KCNJ4: variants seen among roughly 807,000 people sequenced by gnomAD.
KCNJ4 encodes potassium inwardly rectifying channel subfamily J member 4.
Under a neutral mutation model 25.6 loss-of-function variants are expected in KCNJ4, and 3 were observed. That is an observed-to-expected ratio of 0.12 (90% CI 0.05 to 0.30). KCNJ4 has a LOEUF of 0.30. Among genes scored for constraint, KCNJ4 ranks in the 10% least tolerant of loss-of-function variants. The pLI, the probability that KCNJ4 is intolerant of heterozygous loss-of-function variation, is 1.00. For missense variants in KCNJ4, 286 were observed against 666.8 expected, an observed-to-expected ratio of 0.43 and a Z score of 6.29; for synonymous variants, 257 against 283.9, an observed-to-expected ratio of 0.91 and a Z score of 0.95.
intron 1 of KCNJ4, among the ~76,000 whole-genome samples, chr22:38,451,643 G>A (rs1349650211): frequency 6.6e-6 from 1 of 152,164 alleles, no homozygotes; most frequent in African/African-American, 2.4e-5. Context: ...TCTGCTTCCA[G>A]ATAGAGCTGG....
intron 1 of KCNJ4, among the ~76,000 whole-genome samples, chr22:38,442,808 T>C (rs2089346158): frequency 6.6e-6 from 1 of 152,256 alleles, no homozygotes; most frequent in African/African-American, 2.4e-5. Context: ...AGTGGCACTA[T>C]CACAGCTCAC....
At chr22:38,428,342 T>A (rs530223621) in intron 1 of KCNJ4, among the ~76,000 whole-genome samples, 171 bp from the exon 2 acceptor site, 20 of 152,154 alleles carry the variant, frequency 1.3e-4, no homozygotes, top group Non-Finnish European at 2.5e-4. Flanking sequence ...GATGACAGGG[T>A]CTGAGCCAGT....
At chr22:38,454,757 A>C (rs2089430076) in intron 1 of KCNJ4, among the ~76,000 whole-genome samples, 1 of 151,994 alleles carries the variant, frequency 6.6e-6, no homozygotes, top group African/African-American at 2.4e-5. Flanking sequence ...GCCACAACCC[A>C]GACCGCGACG....
chr22:38,446,901 GCTGAGATCGCGCCA>G (rs1361840809), intron 1 of KCNJ4, among the ~76,000 whole-genome samples: 1 of 150,798 alleles, frequency 6.6e-6, no homozygotes, highest in Non-Finnish European at 1.5e-5. Context: ...GTTGCAGTAA[GCTGAGATCGCGCCA>G]CTGCTCTCCA....
In KCNJ4 at chr22:38,442,618, G is replaced by A. The variant is rs2089344141; in HGVS notation, c.-40+12362C>T. Among the ~76,000 whole-genome samples the A allele has an allele frequency of 4.0e-5, 6 of 151,522 alleles. No homozygotes were observed. The South Asian group carries it at 1.3e-3, about 32-fold the overall frequency. On this transcript the variant is annotated intron_variant, in intron 1 of 1. Coordinates refer to ENST00000303592, the MANE Select transcript of KCNJ4 (RefSeq NM_152868.3). Reference sequence around the variant, plus strand: ...TCACCTATGGGCTGCGTGGCTTTGGGAAAATTTCTTAACCTCTCTGAGTCA... The same window carrying A: ...TCACCTATGGGCTGCGTGGCTTTGGAAAAATTTCTTAACCTCTCTGAGTCA...
chr22:38,440,660 G>A (rs931861570), intron 1 of KCNJ4, among the ~76,000 whole-genome samples: 1 of 152,212 alleles, frequency 6.6e-6, no homozygotes, highest in African/African-American at 2.4e-5. Flanking sequence ...AGTGCCAGTC[G>A]CTGTGATGAG....
chr22:38,430,637 G>A (rs1415957261), intron 1 of KCNJ4, among the ~76,000 whole-genome samples: 3 of 152,156 alleles, frequency 2.0e-5, no homozygotes, highest in Non-Finnish European at 4.4e-5. Context: ...GCCCCCTCCC[G>A]CAGCATCCCA....
chr22:38,432,021 T>C (rs1305335009), intron 1 of KCNJ4, among the ~76,000 whole-genome samples: 1 of 151,710 alleles, frequency 6.6e-6, no homozygotes, highest in Admixed American at 6.6e-5. Flanking sequence ...TTTTGGAGGC[T>C]GAAGCGGGCG....
At chr22:38,431,373 A>G (rs1437558266) in intron 1 of KCNJ4, among the ~76,000 whole-genome samples, 1 of 152,128 alleles carries the variant, frequency 6.6e-6, no homozygotes, top group African/African-American at 2.4e-5. Context: ...CCCAGGGTCA[A>G]TTCTGAGCTT....
rs116161194 is a variant in KCNJ4, at chr22:38,445,169, G to A, written c.-40+9811C>T. ...CAGAGCAGGGCTGGGCCTGGGCTGAGCGGAAAGCAGGGAATTTGGCCCGGC... is the reference window on the plus strand; with the variant it reads ...CAGAGCAGGGCTGGGCCTGGGCTGAACGGAAAGCAGGGAATTTGGCCCGGC... On this transcript the variant is annotated intron_variant, in intron 1 of 1. Coordinates refer to ENST00000303592, the MANE Select transcript of KCNJ4 (RefSeq NM_152868.3). Among the ~76,000 whole-genome samples the A allele has an allele frequency of 2.1e-3, 315 of 152,216 alleles. 2 individuals are homozygous for A. The highest frequency in any genetic ancestry group is 7.0e-3 in the African/African-American group (290 of 41,552).
chr22:38,453,201 G>A (rs2089420265), intron 1 of KCNJ4, among the ~76,000 whole-genome samples: 2 of 152,016 alleles, frequency 1.3e-5, no homozygotes, highest in Non-Finnish European at 2.9e-5. Flanking sequence ...CCAGGCTGGC[G>A]CACGCGGCTT....
intron 1 of KCNJ4, among the ~76,000 whole-genome samples, chr22:38,452,548 G>A (rs1338990618): frequency 6.6e-6 from 1 of 152,166 alleles, no homozygotes; most frequent in African/African-American, 2.4e-5. Context: ...TGCTCTCCTC[G>A]TGCAGGGGGA....
intron 1 of KCNJ4, among the ~76,000 whole-genome samples, chr22:38,431,205 C>A (rs1017346528): frequency 6.6e-6 from 1 of 152,190 alleles, no homozygotes; most frequent in Admixed American, 6.5e-5. Context: ...GGGATTGCCT[C>A]CTGACATGGC....
At chr22:38,436,312 C>G (rs749884871) in intron 1 of KCNJ4, among the ~76,000 whole-genome samples, 2 of 152,186 alleles carry the variant, frequency 1.3e-5, no homozygotes, top group Non-Finnish European at 2.9e-5. Context: ...GATGCAGCAT[C>G]CCAGAGCCTG....
At position 38,427,910 on chromosome 22, in the gene KCNJ4, G is replaced by A; in HGVS notation, c.223C>T (p.Leu75Phe). 1.2e-6 allele frequency: 2 copies of A among 1,612,810 alleles called. No individual in the cohort carries two copies. The highest frequency in any genetic ancestry group is 1.7e-6 in the Non-Finnish European group (2 of 1,179,026). ...AAGAAGGCGATACACCAGAAGAGGA[G>A]GCCGAAAAAGAGCCAGGAGACAAGG... is the stretch of plus-strand genomic sequence containing the variant. ...AFLVSWLFFG[L>F]LFWCIAFFHG... The change falls in exon 2 of 2, where the codon CTC becomes TTC. Residue 75 changes from leucine to phenylalanine, a missense_variant. This residue lies in a region of KCNJ4 where 36 missense variants were observed against 103.2 expected (regional missense o/e 0.35). Coordinates refer to ENST00000303592, the MANE Select transcript of KCNJ4 (RefSeq NM_152868.3).
rs1039486279 is a variant in KCNJ4, at chr22:38,443,272, G to A, written c.-40+11708C>T. 6.6e-6 allele frequency among the ~76,000 whole-genome samples: 1 copy of A among 151,970 alleles called. No individual in the cohort carries two copies. Among genetic ancestry groups the A allele is most frequent in the Non-Finnish European group, 1.5e-5 (1 of 67,976 alleles). On this transcript the variant is annotated intron_variant, in intron 1 of 1. Transcript: ENST00000303592. This position sits in a 1 kb window ranked among gnomAD's most constrained non-coding sequence, Gnocchi z 4.1. ...CCCACACCGTGCAGTGCCCAGCTCCGCCATCCCACCTCCCTTCTCTTCTCC... is the reference window on the plus strand; with the variant it reads ...CCCACACCGTGCAGTGCCCAGCTCCACCATCCCACCTCCCTTCTCTTCTCC...
intron 1 of KCNJ4, among the ~76,000 whole-genome samples, chr22:38,444,289 G>A (rs375950924): frequency 5.9e-5 from 9 of 152,188 alleles, no homozygotes; most frequent in African/African-American, 2.2e-4. Flanking sequence ...AACCCAGCCC[G>A]TCAAAATTCC....
At chr22:38,454,577 G>C (rs1602648437) in intron 1 of KCNJ4, among the ~76,000 whole-genome samples, 2 of 152,268 alleles carry the variant, frequency 1.3e-5, no homozygotes, top group African/African-American at 4.8e-5. Flanking sequence ...AGGGCCATTT[G>C]CAACGAGGAT....
At chr22:38,432,219 G>T (rs1040130806) in intron 1 of KCNJ4, among the ~76,000 whole-genome samples, 1 of 150,664 alleles carries the variant, frequency 6.6e-6, no homozygotes, top group Non-Finnish European at 1.5e-5. Context: ...TTGAGTGACC[G>T]CACTCTAGAC....
Sources: gnomAD v4.1 joint callset for allele counts (sites outside exome capture counted in the v4.1 genomes callset) on GRCh38, gnomAD v4.1.1 for gene constraint, gnomAD v4.1.1 regional missense constraint, Gnocchi (gnomAD v3.1) non-coding constraint, MANE v1.5 for transcripts, NCBI Gene and HGNC (gene_info 2026-07-23, HGNC 2026-07-21) for gene names.